The following CNTNAP2 variants were observed in gnomAD, a reference collection of about 807,000 sequenced individuals.
CNTNAP2 encodes contactin associated protein 2.
A neutral mutation model predicts 155.2 loss-of-function variants in CNTNAP2; 98 were observed. The ratio of observed to expected loss-of-function variants is 0.63; its 90% CI spans 0.54 to 0.75. The LOEUF is 0.75. Among genes scored for constraint, CNTNAP2 ranks in the 30% least tolerant of loss-of-function variants. The pLI, the probability that CNTNAP2 is intolerant of heterozygous loss-of-function variation, is 0.00. For missense variants in CNTNAP2, 1,727 were observed against 1,688.1 expected (o/e 1.02, Z -0.40); for synonymous variants, 651 against 631.2 (o/e 1.03, Z -0.47).
rs561366869 is a variant in CNTNAP2 at position 146,170,110 on chromosome 7, T to C, written c.97+53137T>C. 3.6e-4 allele frequency among the ~76,000 whole-genome samples: 53 copies of C among 148,848 alleles called. 1 individual carries two copies. Among genetic ancestry groups the C allele is most frequent in the African/African-American group, 1.1e-3 (45 of 40,366 alleles). On this transcript the variant is annotated intron_variant, in intron 1 of 23. Transcript: ENST00000361727. ...GGTGCCATCTCGGCTCACTGCAACC[T>C]CTGCCTCCTGGGTTCAAGCAATTCT... is the stretch of plus-strand genomic sequence containing the variant.
At chr7:146,328,552 G>GA (rs1190706487) in intron 1 of CNTNAP2, among the ~76,000 whole-genome samples, 1 of 148,600 alleles carries the variant, frequency 6.7e-6, no homozygotes, top group Non-Finnish European at 1.5e-5. Context: ...TGTATGGTGA[G>GA]AACACTTGGA....
rs147152958 is a variant in CNTNAP2, at chr7:146,980,613, A to T, written c.403-63294A>T. Among the ~76,000 whole-genome samples, 194 of 152,268 alleles carry T rather than the reference A, an allele frequency of 1.3e-3. No individual in the cohort carries two copies. The East Asian group carries it at 0.022, about 17-fold the overall frequency. Reference sequence around the variant, plus strand: ...TGATGTCCTCAAGTAGTTTCCAGTCATGGCAGAAGGGGAAGGAGAAACAGA... The same window carrying T: ...TGATGTCCTCAAGTAGTTTCCAGTCTTGGCAGAAGGGGAAGGAGAAACAGA... On this transcript the variant is annotated intron_variant, in intron 3 of 23. Coordinates refer to ENST00000361727, the MANE Select transcript of CNTNAP2 (RefSeq NM_014141.6).
chr7:146,151,794 A>G (rs1406568676), intron 1 of CNTNAP2, among the ~76,000 whole-genome samples: 1 of 147,852 alleles, frequency 6.8e-6, no homozygotes, highest in African/African-American at 2.5e-5. Flanking sequence ...GTCATCTACA[A>G]ATTTTATTTT....
chr7:148,023,938 T>C (rs1802329937), intron 15 of CNTNAP2, among the ~76,000 whole-genome samples: 1 of 152,136 alleles, frequency 6.6e-6, no homozygotes, highest in African/African-American at 2.4e-5. Flanking sequence ...GGAAAGGCCA[T>C]AAGAGTAACT....
rs368310687 is a variant in CNTNAP2 at position 147,315,568 on chromosome 7, G to A, written c.1498+15278G>A. Among the ~76,000 whole-genome samples the A allele has an allele frequency of 1.2e-4, 17 of 144,758 alleles. No homozygotes were observed. The South Asian group carries it at 2.3e-3, about 19-fold the overall frequency. 95.0% of individuals were successfully genotyped at this position (144,758 alleles called of 152,430 possible). The stretch of plus-strand genomic sequence containing the variant: ...ATGATCTCGGCTCACTGCAAGCTCC[G>A]CCTCCCGGGTTCACGCCATTCTCCT... On this transcript the variant is annotated intron_variant, in intron 9 of 23. Transcript: ENST00000361727.
At chr7:147,543,772 G>T (rs1799680434) in intron 11 of CNTNAP2, among the ~76,000 whole-genome samples, 1 of 152,036 alleles carries the variant, frequency 6.6e-6, no homozygotes, top group Non-Finnish European at 1.5e-5. Flanking sequence ...AATCTCCAAA[G>T]AACCATGGCG....
At chr7:148,020,405 G>A (rs1802259234) in intron 15 of CNTNAP2, among the ~76,000 whole-genome samples, 1 of 152,108 alleles carries the variant, frequency 6.6e-6, no homozygotes, top group South Asian at 2.1e-4. Context: ...TGTGATCTAG[G>A]CAGGCATATT....
At chr7:146,321,561 A>G (rs1801001616) in intron 1 of CNTNAP2, among the ~76,000 whole-genome samples, 1 of 152,196 alleles carries the variant, frequency 6.6e-6, no homozygotes, top group Non-Finnish European at 1.5e-5. Context: ...CCTTGGATTG[A>G]GAATATGGCA....
At chr7:146,668,666 C>T (rs1026150798) in intron 1 of CNTNAP2, among the ~76,000 whole-genome samples, 2 of 152,016 alleles carry the variant, frequency 1.3e-5, no homozygotes, top group Non-Finnish European at 2.9e-5. Flanking sequence ...ATTACTGATT[C>T]AATCATGTTA....
intron 3 of CNTNAP2, among the ~76,000 whole-genome samples, chr7:146,864,095 A>G (rs1224973108): frequency 6.6e-6 from 1 of 152,056 alleles, no homozygotes; most frequent in African/African-American, 2.4e-5. Context: ...AATATCATTC[A>G]GTGTTTTATT....
In CNTNAP2 at chr7:146,315,358, G is replaced by A. The variant is rs577577314; in HGVS notation, c.97+198385G>A. On this transcript the variant is annotated intron_variant, in intron 1 of 23. Coordinates refer to ENST00000361727, the MANE Select transcript of CNTNAP2 (RefSeq NM_014141.6). ...GTGATGGTAAAAGTTGGGCATTATAGGTGTGGTGCAAGCCTGTTACCCCTC... is the reference window on the plus strand; with the variant it reads ...GTGATGGTAAAAGTTGGGCATTATAAGTGTGGTGCAAGCCTGTTACCCCTC... 2.0e-3 allele frequency among the ~76,000 whole-genome samples: 307 copies of A among 152,286 alleles called. 3 individuals are homozygous for A. The highest frequency in any genetic ancestry group is 7.0e-3 in the African/African-American group (289 of 41,564).
intron 1 of CNTNAP2, among the ~76,000 whole-genome samples, chr7:146,223,133 A>G (rs900699624): frequency 1.1e-4 from 17 of 152,158 alleles, no homozygotes; most frequent in Non-Finnish European, 5.9e-5. Context: ...TTTGAGCTAT[A>G]TCCCATTGTG....
intron 8 of CNTNAP2, among the ~76,000 whole-genome samples, chr7:147,194,566 C>G (rs1319574310): frequency 1.3e-5 from 2 of 152,146 alleles, no homozygotes; most frequent in Non-Finnish European, 2.9e-5. Flanking sequence ...TCCTATTTCT[C>G]CACATCCTCT....
At chr7:147,784,567 A>G (rs1797710194) in intron 13 of CNTNAP2, among the ~76,000 whole-genome samples, 1 of 118,128 alleles carries the variant, frequency 8.5e-6, no homozygotes, top group South Asian at 3.3e-4. Flanking sequence ...TTTTGAGTGC[A>G]AAGAGCTTGG....
At chr7:146,629,605 A>G (rs1799477617) in intron 1 of CNTNAP2, among the ~76,000 whole-genome samples, 1 of 152,190 alleles carries the variant, frequency 6.6e-6, no homozygotes, top group African/African-American at 2.4e-5. Flanking sequence ...TTGATGATTT[A>G]ACATTTCCAA....
chr7:146,750,732 A>C (rs1006393378), intron 1 of CNTNAP2, among the ~76,000 whole-genome samples: 1 of 152,176 alleles, frequency 6.6e-6, no homozygotes, highest in Non-Finnish European at 1.5e-5. Flanking sequence ...TGGCATGGCC[A>C]GAAATGTATA....
At chr7:146,288,600 A>C (rs978334780) in intron 1 of CNTNAP2, among the ~76,000 whole-genome samples, 1 of 151,874 alleles carries the variant, frequency 6.6e-6, no homozygotes, top group East Asian at 1.9e-4. Context: ...GACTTACTCT[A>C]TTTGAAAAAT....
chr7:147,312,961 G>A lies in CNTNAP2; in HGVS notation c.1498+12671G>A, dbSNP rs923036702. Among the ~76,000 whole-genome samples, 7 of 138,284 alleles carry A rather than the reference G, an allele frequency of 5.1e-5. No individual in the cohort carries two copies. The Admixed American group carries it at 5.2e-4, about 10-fold the overall frequency. The allele number at this position is 138,284 out of a possible 152,430, so 90.7% of individuals were successfully genotyped here. ...TTTTTAATGATCGCCATTCTAACTGGTGTGAGATGGTATCTCATTGTGGTT... is the reference window on the plus strand; with the variant it reads ...TTTTTAATGATCGCCATTCTAACTGATGTGAGATGGTATCTCATTGTGGTT... On this transcript the variant is annotated intron_variant, in intron 9 of 23. Coordinates refer to ENST00000361727, the MANE Select transcript of CNTNAP2 (RefSeq NM_014141.6).
chr7:146,544,331 A>G (rs1384305864), intron 1 of CNTNAP2, among the ~76,000 whole-genome samples: 1 of 152,052 alleles, frequency 6.6e-6, no homozygotes, highest in East Asian at 1.9e-4. Flanking sequence ...TAGGCATTTT[A>G]CATTTTCACC....
Sources: gnomAD v4.1 joint callset for allele counts (sites outside exome capture counted in the v4.1 genomes callset) on GRCh38, gnomAD v4.1.1 for gene constraint, MANE v1.5 for transcripts, NCBI Gene and HGNC (gene_info 2026-07-23, HGNC 2026-07-21) for gene names.